Variants in GPC6 observed in about 807,000 individuals in gnomAD.
The protein encoded by GPC6 is glypican-6.
Under a neutral mutation model 55.2 loss-of-function variants are expected in GPC6, and 14 were observed. That is an observed-to-expected ratio of 0.25 (90% CI 0.17 to 0.40). The LOEUF is 0.40. GPC6 is among the 10% of genes least tolerant of loss of function. The probability of loss-of-function intolerance (pLI) is 1.00; values close to 1 mark genes in which losing one functional copy is unlikely to be tolerated. For synonymous variants in GPC6, 278 were observed against 259.6 expected, an observed-to-expected ratio of 1.07 and a Z score of -0.68; for missense variants, 641 against 708.5, an observed-to-expected ratio of 0.90 and a Z score of 1.08.
At chr13:93,225,222 C>T (rs1278465095), upstream of GPC6, among the ~76,000 whole-genome samples, 2 of 152,136 alleles carry the variant, frequency 1.3e-5, no homozygotes, top group Non-Finnish European at 1.5e-5. Flanking sequence ...TACTATGATA[C>T]AAAGAGAAGT....
At chr13:93,258,189 G>A (rs1877018654) in intron 1 of GPC6, among the ~76,000 whole-genome samples, 1 of 152,138 alleles carries the variant, frequency 6.6e-6, no homozygotes, top group Non-Finnish European at 1.5e-5. Context: ...GCTTTCCCCA[G>A]CTCCTTTGCA....
chr13:94,065,538 A>G (rs1884487676), intron 4 of GPC6, among the ~76,000 whole-genome samples: 1 of 152,220 alleles, frequency 6.6e-6, no homozygotes, highest in Admixed American at 6.5e-5. Context: ...ACAATATTAA[A>G]TAGTGCTGTG....
intron 1 of GPC6, among the ~76,000 whole-genome samples, chr13:93,428,655 T>C (rs901408950): frequency 2.6e-5 from 4 of 152,108 alleles, no homozygotes; most frequent in Admixed American, 2.0e-4. Flanking sequence ...TGTTCTGCAT[T>C]AGCACCTCTG....
chr13:93,902,282 C>T (rs940836605), intron 3 of GPC6, among the ~76,000 whole-genome samples: 1 of 152,110 alleles, frequency 6.6e-6, no homozygotes, highest in East Asian at 1.9e-4. Context: ...TTAGATTCCA[C>T]ATATGAGTGA....
rs76593559 is a variant in GPC6, at chr13:93,253,766, C to A, written c.160+26150C>A. On this transcript the variant is annotated intron_variant, in intron 1 of 8. Transcript: ENST00000377047. ...CTGAGAAATGTCAGCTCTGGTTTTA[C>A]AAAACTGCATTCATTGATCTTTGTT... Among the ~76,000 whole-genome samples, 949 of 152,234 alleles carry A rather than the reference C, an allele frequency of 6.2e-3. 13 individuals are homozygous for A. Among genetic ancestry groups the A allele is most frequent in the African/African-American group, 0.022 (897 of 41,548 alleles).
chr13:94,369,801 TG>T (rs776663785), intron 6 of GPC6, among the ~76,000 whole-genome samples: 91 of 152,306 alleles, frequency 6.0e-4, no homozygotes, highest in Admixed American at 2.9e-3. Flanking sequence ...GGTGTTTTTT[TG>T]TTTTTTGGGG....
At chr13:94,252,609 CCACCAA>C (rs1465960744) in intron 4 of GPC6, among the ~76,000 whole-genome samples, 3 of 152,102 alleles carry the variant, frequency 2.0e-5, no homozygotes, top group African/African-American at 7.2e-5. Flanking sequence ...GTACCCACCA[CCACCAA>C]CAACAACAAA....
In GPC6 at chr13:94,360,337, A is replaced by ATGAT. The variant is rs144916950; in HGVS notation, c.1153-22059_1153-22056dup. Among the ~76,000 whole-genome samples, 204 of 152,318 alleles carry ATGAT rather than the reference A, an allele frequency of 1.3e-3. 4 individuals carry two copies. In the East Asian group the frequency reaches 0.032, roughly 24 times the overall value. The stretch of plus-strand genomic sequence containing the variant: ...ATGATAGATGACTGATCGATGATAG[A>ATGAT]TGATTGATTGATTGATTGATTCAGG... On this transcript the variant is annotated intron_variant, in intron 6 of 8. Transcript: ENST00000377047.
At chr13:93,362,991 A>G (rs1015604539) in intron 1 of GPC6, among the ~76,000 whole-genome samples, 6 of 152,116 alleles carry the variant, frequency 3.9e-5, no homozygotes, top group African/African-American at 1.4e-4. Context: ...TGAATTCAAC[A>G]TTATACTGAT....
chr13:93,500,122 A>T (rs537232426), intron 1 of GPC6, among the ~76,000 whole-genome samples: 1 of 152,240 alleles, frequency 6.6e-6, no homozygotes, highest in African/African-American at 2.4e-5. Flanking sequence ...GGCATACTTA[A>T]ACCCACCACG....
intron 1 of GPC6, among the ~76,000 whole-genome samples, chr13:93,439,695 A>AATGAAATG (rs1566358079): frequency 7.3e-6 from 1 of 137,534 alleles, no homozygotes; most frequent in African/African-American, 3.1e-5. Context: ...ATAAATAAAA[A>AATGAAATG]AAATAAAATA....
In GPC6 at chr13:93,399,260, C is replaced by G. The variant is rs372393443; in HGVS notation, c.161-146003C>G. ...CCTTAGAAGGGCTTGTGCATCTTCT[C>G]TTCATACACCTATTGCAATTTGTAA... On this transcript the variant is annotated intron_variant, in intron 1 of 8. Coordinates refer to ENST00000377047, the MANE Select transcript of GPC6 (RefSeq NM_005708.5). Among the ~76,000 whole-genome samples the G allele has an allele frequency of 1.2e-4, 19 of 152,348 alleles. 1 individual carries two copies. The East Asian group carries it at 3.5e-3, about 28-fold the overall frequency.
At chr13:94,262,194 T>C (rs1169700789) in intron 4 of GPC6, among the ~76,000 whole-genome samples, 1 of 152,120 alleles carries the variant, frequency 6.6e-6, no homozygotes, top group Non-Finnish European at 1.5e-5. Context: ...ATTTAATTAT[T>C]GGTGGAAGTA....
intron 1 of GPC6, among the ~76,000 whole-genome samples, chr13:93,450,573 G>C (rs1276137654): frequency 6.6e-6 from 1 of 152,204 alleles, no homozygotes; most frequent in Non-Finnish European, 1.5e-5. Context: ...GTGGGGACTG[G>C]TCAAAGGTGT....
chr13:93,262,136 C>T (rs1187665066), intron 1 of GPC6, among the ~76,000 whole-genome samples: 2 of 152,064 alleles, frequency 1.3e-5, no homozygotes, highest in African/African-American at 2.4e-5. Flanking sequence ...CTAGTCCTTC[C>T]CACTCTCCTT....
At chr13:93,708,811 G>C (rs1882945985) in intron 2 of GPC6, among the ~76,000 whole-genome samples, 1 of 151,696 alleles carries the variant, frequency 6.6e-6, no homozygotes, top group African/African-American at 2.4e-5. Context: ...AATCCAACTA[G>C]GGAAACCAAC....
At chr13:94,315,153 GA>G (rs1175821067) in intron 6 of GPC6, among the ~76,000 whole-genome samples, 1 of 152,220 alleles carries the variant, frequency 6.6e-6, no homozygotes, top group Non-Finnish European at 1.5e-5. Flanking sequence ...GATAGTCAAT[GA>G]ATGAACCACC....
At chr13:93,240,190 T>G (rs962419524) in intron 1 of GPC6, among the ~76,000 whole-genome samples, 7 of 152,226 alleles carry the variant, frequency 4.6e-5, no homozygotes, top group Middle Eastern at 3.4e-3. Context: ...CTTTGTTGAC[T>G]TTCTGCCTCA....
intron 1 of GPC6, among the ~76,000 whole-genome samples, chr13:93,331,786 C>T (rs1879855663): frequency 1.3e-5 from 2 of 152,068 alleles, no homozygotes; most frequent in African/African-American, 2.4e-5. Context: ...CCCTACTGCA[C>T]TAATGAACAC....
Sources: allele counts gnomAD v4.1 joint callset (sites outside exome capture counted in the v4.1 genomes callset), GRCh38; gene constraint gnomAD v4.1.1; transcripts MANE v1.5; gene names NCBI Gene and HGNC (gene_info 2026-07-23, HGNC 2026-07-21).